Variants in LIMD1 observed in about 807,000 individuals in gnomAD.
LIMD1 encodes the protein LIM domain containing 1, also known as LIM domain-containing protein 1.
In LIMD1, 23 loss-of-function variants were observed where a neutral mutation model predicts 58.4. That is an observed-to-expected ratio of 0.39 (90% confidence interval 0.28 to 0.56). The LOEUF is 0.56. Ranked by LOEUF, LIMD1 falls within the 20% of genes least tolerant of loss-of-function variation. The pLI, the probability that LIMD1 is intolerant of heterozygous loss-of-function variation, is 0.57. For synonymous variants in LIMD1, 334 were observed against 345.5 expected, an observed-to-expected ratio of 0.97 and a Z score of 0.37; for missense variants, 838 against 855.5, an observed-to-expected ratio of 0.98 and a Z score of 0.25.
intron 1 of LIMD1, among the ~76,000 whole-genome samples, chr3:45,605,679 A>G (rs1390962547): frequency 6.6e-6 from 1 of 152,258 alleles, no homozygotes; most frequent in African/African-American, 2.4e-5. Context: ...ATAACCACAC[A>G]TGGCAAGCCA....
rs10572210 is a variant in LIMD1, at chr3:45,658,535, CTTTTTTTTTTTTTTTTT to C, written c.1511-7099_1511-7083del. Among the ~76,000 whole-genome samples the C allele has an allele frequency of 1.1e-3, 49 of 44,762 alleles. 1 individual carries two copies. The East Asian group carries it at 0.029, about 26-fold the overall frequency. 29.4% of individuals were successfully genotyped at this position (44,762 alleles called of 152,430 possible). A position where few individuals can be genotyped will look rare whatever the true frequency, so the allele number is the denominator to read the frequency against. ...AACCATCCCCTCCACCATGCAGATT[CTTTTTTTTTTTTTTTTT>C]TTTTTTTTTTTTTTTGAGACTGAGT... On this transcript the variant is annotated intron_variant, in intron 2 of 7. Transcript: ENST00000273317.
In LIMD1 at chr3:45,685,883, C is replaced by G. The variant is rs1361780220; in HGVS notation, c.*8824C>G. ...AGACTCTCCCTCTTCCTTTAATCAC[C>G]TAGCCTTGTTTCCACCTGAATTGAC... On this transcript the variant is annotated 3_prime_UTR_variant, in exon 8 of 8. Coordinates refer to ENST00000273317, the MANE Select transcript of LIMD1 (RefSeq NM_014240.3). 6.6e-6 allele frequency: 1 copy of G among 152,150 alleles called. No homozygotes were observed. The highest frequency in any genetic ancestry group is 6.6e-5 in the Admixed American group (1 of 15,266). The allele number at this position is 152,150 out of a possible 1,614,324, so 9.4% of individuals were successfully genotyped here.
chr3:45,667,984 T>A (rs1211403298), intron 3 of LIMD1, among the ~76,000 whole-genome samples: 1 of 152,220 alleles, frequency 6.6e-6, no homozygotes, highest in Non-Finnish European at 1.5e-5. Flanking sequence ...GCCAGGGAAC[T>A]GCTCTTTGAG....
chr3:45,655,976 A>G (rs1559523565), intron 2 of LIMD1, among the ~76,000 whole-genome samples: 1 of 152,224 alleles, frequency 6.6e-6, no homozygotes, highest in African/African-American at 2.4e-5. Context: ...TAATCCCAAC[A>G]TGATGGTATT....
intron 2 of LIMD1, among the ~76,000 whole-genome samples, chr3:45,660,264 G>C (rs1697412083): frequency 7.1e-6 from 1 of 140,398 alleles, no homozygotes; most frequent in Non-Finnish European, 1.6e-5. Context: ...CTCTCTTGAG[G>C]AATGAGTTTA....
chr3:45,621,280 A>G (rs1242667895), intron 1 of LIMD1, among the ~76,000 whole-genome samples: 1 of 150,632 alleles, frequency 6.6e-6, no homozygotes, highest in East Asian at 2.0e-4. Context: ...GCCAGACTGG[A>G]CTGCAGTGGT....
At chr3:45,647,820 C>T (rs148370402) in intron 2 of LIMD1, among the ~76,000 whole-genome samples, 3,059 of 152,270 alleles carry the variant, frequency 0.02, 109 homozygotes, top group African/African-American at 0.07. Flanking sequence ...TAACTATCCC[C>T]CTCCTCCGCT....
chr3:45,673,900 C>CAA, intron 6 of LIMD1: 1 of 253,370 alleles, frequency 3.9e-6, no homozygotes, highest in Non-Finnish European at 7.6e-6. Context: ...AAAAAAAAAC[C>CAA]AAAAAAAACC....
intron 1 of LIMD1, among the ~76,000 whole-genome samples, chr3:45,621,933 C>T (rs958385271): frequency 6.6e-6 from 1 of 151,806 alleles, no homozygotes; most frequent in South Asian, 2.1e-4. Flanking sequence ...CATGGTGGTG[C>T]GTGCCTATAA....
intron 1 of LIMD1, 101 bp from the exon 2 acceptor site, chr3:45,636,049 C>G: frequency 6.4e-7 from 1 of 1,567,610 alleles, no homozygotes; most frequent in South Asian, 1.2e-5. Context: ...GGTGGGCTGG[C>G]CATGGGGAGG....
At chr3:45,635,400 A>G (rs1701775730) in intron 1 of LIMD1, among the ~76,000 whole-genome samples, 1 of 151,222 alleles carries the variant, frequency 6.6e-6, no homozygotes, top group South Asian at 2.1e-4. Context: ...AGAATGTACT[A>G]GGTAGGGGCC....
intron 4 of LIMD1, among the ~76,000 whole-genome samples, chr3:45,671,279 G>A (rs1305305710): frequency 6.6e-6 from 1 of 152,242 alleles, no homozygotes; most frequent in East Asian, 1.9e-4. Context: ...GCTGGAGCTT[G>A]TGCAGTGTGG....
intron 1 of LIMD1, among the ~76,000 whole-genome samples, chr3:45,602,955 C>A (rs1701430716): frequency 6.6e-6 from 1 of 152,124 alleles, no homozygotes; most frequent in African/African-American, 2.4e-5. Flanking sequence ...ATTCTCCTGC[C>A]TCAGCCTCCT....
chr3:45,620,762 T>C (rs892788774), intron 1 of LIMD1, among the ~76,000 whole-genome samples: 1 of 152,214 alleles, frequency 6.6e-6, no homozygotes, highest in East Asian at 1.9e-4. Context: ...CAATGGATGC[T>C]GCATAGTGGG....
chr3:45,644,624 T>C (rs1000402183), intron 2 of LIMD1, among the ~76,000 whole-genome samples: 1 of 152,206 alleles, frequency 6.6e-6, no homozygotes, highest in Admixed American at 6.5e-5. Flanking sequence ...AGAGTTTAGT[T>C]TGTGGTTGGT....
intron 1 of LIMD1, among the ~76,000 whole-genome samples, chr3:45,626,361 TA>T: frequency 6.6e-6 from 1 of 152,136 alleles, no homozygotes; most frequent in African/African-American, 2.4e-5. Context: ...ACTGCATCAA[TA>T]AATGGTTGTA....
chr3:45,610,062 C>T (rs753009922), intron 1 of LIMD1, among the ~76,000 whole-genome samples: 13 of 152,130 alleles, frequency 8.5e-5, no homozygotes, highest in African/African-American at 2.2e-4. Context: ...CATGATGGCG[C>T]GCGCCTGTAA....
intron 1 of LIMD1, chr3:45,635,154 C>A (rs538708012): frequency 9.2e-5 from 14 of 152,672 alleles, no homozygotes; most frequent in African/African-American, 3.4e-4. Context: ...AGGAGAATCA[C>A]TTGAACCCGG....
Position 45,605,771 on chromosome 3 carries a change from C to T in LIMD1, c.1408+9484C>T, listed in dbSNP as rs1325389979. Among the ~76,000 whole-genome samples the T allele has an allele frequency of 5.9e-5, 9 of 152,214 alleles. No homozygotes were observed. The East Asian group carries it at 1.5e-3, about 26-fold the overall frequency. ...AACTTGTCATCCTTAGTGCAGGGGG[C>T]AGCTGGGAGCTCTGGTTTGTGGCGT... is the stretch of plus-strand genomic sequence containing the variant. On this transcript the variant is annotated intron_variant, in intron 1 of 7. Transcript: ENST00000273317.
Sources: allele counts gnomAD v4.1 joint callset (sites outside exome capture counted in the v4.1 genomes callset), GRCh38; gene constraint gnomAD v4.1.1; transcripts MANE v1.5; gene names NCBI Gene and HGNC (gene_info 2026-07-23, HGNC 2026-07-21).